MLLT6: variants seen among roughly 807,000 people sequenced by gnomAD.
MLLT6 encodes the protein MLLT6, PHD finger containing, also known as protein AF-17.
Under a neutral mutation model 103.0 loss-of-function variants are expected in MLLT6, and 22 were observed. The observed-to-expected ratio is 0.21, with a 90% CI of 0.15 to 0.31. The LOEUF is 0.31. Among genes scored for constraint, MLLT6 ranks in the 10% least tolerant of loss-of-function variants. The pLI is 1.00. For synonymous variants in MLLT6, 606 were observed against 623.5 expected (o/e 0.97, Z 0.42); for missense variants, 1,199 against 1,441.7 (o/e 0.83, Z 2.73).
chr17:38,723,332 T>C lies in MLLT6; in HGVS notation c.2883+564T>C, dbSNP rs138845152. 2.1e-3 allele frequency among the ~76,000 whole-genome samples: 314 copies of C among 152,174 alleles called. 1 individual carries two copies. Among genetic ancestry groups the C allele is most frequent in the African/African-American group, 7.1e-3 (295 of 41,528 alleles). ...CTGGGCAACTTGGTGAAACTGAGTCTCTACAAAAAATTAGCTGGGCGTGGT... is the reference window on the plus strand; with the variant it reads ...CTGGGCAACTTGGTGAAACTGAGTCCCTACAAAAAATTAGCTGGGCGTGGT... On this transcript the variant is annotated intron_variant, in intron 18 of 19. Coordinates refer to ENST00000621332, the MANE Select transcript of MLLT6 (RefSeq NM_005937.4).
chr17:38,717,763 C>A, intron 11 of MLLT6, 82 bp from the exon 12 acceptor site: 1 of 1,394,178 alleles, frequency 7.2e-7, no homozygotes, highest in Non-Finnish European at 1.0e-6. Context: ...CCCCAGCACA[C>A]CCGGCCCCCT....
At position 38,720,499 on chromosome 17, in the gene MLLT6, C is replaced by G; in HGVS notation, c.2283C>G (p.Phe761Leu). ...QILNVQLSVP[F>L]PALPAALPAA... ...TCAACGTGCAGCTCTCTGTGCCCTT[C>G]CCTGCCCTGCCTGCTGCCCTGCCTG... The change falls in exon 15 of 20, where the codon TTC (phenylalanine) becomes TTG (leucine). Residue 761 changes from phenylalanine to leucine, a missense_variant. This residue lies in a region of MLLT6 where 1,034 missense variants were observed against 1,091.5 expected (regional missense o/e 0.95). Coordinates refer to ENST00000621332, the MANE Select transcript of MLLT6 (RefSeq NM_005937.4). 1 of 1,612,748 alleles carries G rather than the reference C, an allele frequency of 6.2e-7. No homozygotes were observed. The highest frequency in any genetic ancestry group is 8.5e-7 in the Non-Finnish European group (1 of 1,179,810).
In MLLT6 at chr17:38,709,274, C is replaced by A; in HGVS notation, c.456C>A (p.Thr152=). Residue 152 remains threonine, a splice_region_variant and synonymous_variant, in exon 5 of 20, where the codon ACC becomes ACA. Transcript: ENST00000621332. The surrounding 1 kb of genome is among the most constrained non-coding windows in gnomAD (Gnocchi z 4.3). ...GATGTCGACAAGCTTTCCACGTCAC[C>A]TGGTGAGACCCCTGTCCCACCCCCC... ...RHGCRQAFHV[T]CAQMAGLLCE... 1 of 1,613,246 alleles carries A rather than the reference C, an allele frequency of 6.2e-7. No homozygotes were observed. Among genetic ancestry groups the A allele is most frequent in the Non-Finnish European group, 8.5e-7 (1 of 1,179,226 alleles).
chr17:38,721,861 TC>T lies in MLLT6; in HGVS notation c.2443-12del. On this transcript the variant is annotated splice_polypyrimidine_tract_variant and intron_variant, in intron 16 of 19. Coordinates refer to ENST00000621332, the MANE Select transcript of MLLT6 (RefSeq NM_005937.4). ...CATGCTGGCCCTCTGACCCCTCCCT[TC>T]CCCCTCCCTCCCCAGGACCCACACT... is the stretch of plus-strand genomic sequence containing the variant. 4.6e-6 allele frequency: 7 copies of T among 1,523,664 alleles called. No individual in the cohort carries two copies. Among genetic ancestry groups the T allele is most frequent in the Admixed American group, 3.8e-5 (2 of 52,544 alleles). The allele number at this position is 1,523,664 out of a possible 1,614,324, so 94.4% of individuals were successfully genotyped here. A position where few individuals can be genotyped will look rare whatever the true frequency, so the allele number is the denominator to read the frequency against.
Position 38,707,890 on chromosome 17 carries a change from G to T in MLLT6, c.354+18G>T. 2.0e-5 allele frequency: 30 copies of T among 1,496,490 alleles called. No individual in the cohort carries two copies. Among genetic ancestry groups the T allele is most frequent in the Non-Finnish European group, 2.8e-5 (30 of 1,078,522 alleles). The allele number at this position is 1,496,490 out of a possible 1,614,324, so 92.7% of individuals were successfully genotyped here. On this transcript the variant is annotated intron_variant, in intron 4 of 19. Coordinates refer to ENST00000621332, the MANE Select transcript of MLLT6 (RefSeq NM_005937.4). Reference sequence around the variant, plus strand: ...TCAACAAGGTCAGCGGCCCCCCGCCGTGTCCCCTACCAGTTCCCTCCCATC... The same window carrying T: ...TCAACAAGGTCAGCGGCCCCCCGCCTTGTCCCCTACCAGTTCCCTCCCATC...
rs1289347946 is a variant in MLLT6 at position 38,728,749 on chromosome 17, C to T, written c.*3151C>T. The T allele has an allele frequency of 3.0e-5, 7 of 234,690 alleles. No homozygotes were observed. Among genetic ancestry groups the T allele is most frequent in the Admixed American group, 5.6e-5 (1 of 17,800 alleles). 14.5% of individuals were successfully genotyped at this position (234,690 alleles called of 1,614,324 possible). The stretch of plus-strand genomic sequence containing the variant: ...CCCCTGCCCCACAACATGGTCTCCA[C>T]ATGGCTGGCTGGCTGGCTGTCCCTG... On this transcript the variant is annotated 3_prime_UTR_variant, in exon 20 of 20. Transcript: ENST00000621332.
At chr17:38,707,136 C>A in intron 2 of MLLT6, 107 bp downstream of exon 2, 1 of 909,668 alleles carries the variant, frequency 1.1e-6, no homozygotes, top group Non-Finnish European at 1.7e-6. Context: ...GGATTTAGCT[C>A]TGTCACACAG....
Position 38,729,244 on chromosome 17 carries a change from T to G in MLLT6, c.*3646T>G. The G allele has an allele frequency of 4.3e-6, 1 of 233,274 alleles. No individual in the cohort carries two copies. Among genetic ancestry groups the G allele is most frequent in the Admixed American group, 5.6e-5 (1 of 17,806 alleles). The allele number at this position is 233,274 out of a possible 1,614,324, so 14.5% of individuals were successfully genotyped here. A position where few individuals can be genotyped will look rare whatever the true frequency, so the allele number is the denominator to read the frequency against. On this transcript the variant is annotated 3_prime_UTR_variant, in exon 20 of 20. Transcript: ENST00000621332. ...GGGGTAGGCAGCTTGCACCCAGTTC[T>G]CCTTTATCTCAACTTATTTTCCTGG...
Position 38,728,557 on chromosome 17 carries a change from T to TGCC in MLLT6, c.*2960_*2962dup, listed in dbSNP as rs983917726. The stretch of plus-strand genomic sequence containing the variant: ...TGAGTGGGGGTGCATATAGAGGCAG[T>TGCC]GCCTGCTGTGGGGTCACAACTGGTG... On this transcript the variant is annotated 3_prime_UTR_variant, in exon 20 of 20. Transcript: ENST00000621332. 8.6e-5 allele frequency: 20 copies of TGCC among 233,420 alleles called. No individual in the cohort carries two copies. The highest frequency in any genetic ancestry group is 4.4e-4 in the African/African-American group (20 of 45,336). 14.5% of individuals were successfully genotyped at this position (233,420 alleles called of 1,614,324 possible). A position where few individuals can be genotyped will look rare whatever the true frequency, so the allele number is the denominator to read the frequency against.
Position 38,719,738 on chromosome 17 carries a change from C to A in MLLT6, c.2010-12C>A. 6.2e-7 allele frequency: 1 copy of A among 1,604,632 alleles called. No individual in the cohort carries two copies. Reference sequence around the variant, plus strand: ...GTCGGGTCGACTGAACCCAGGTTCCCTCTGGCCGCAGGTCCCCCATCAGCA... The same window carrying A: ...GTCGGGTCGACTGAACCCAGGTTCCATCTGGCCGCAGGTCCCCCATCAGCA... On this transcript the variant is annotated splice_polypyrimidine_tract_variant and intron_variant, in intron 13 of 19. Coordinates refer to ENST00000621332, the MANE Select transcript of MLLT6 (RefSeq NM_005937.4).
chr17:38,713,995 G>C (rs1040011546), intron 8 of MLLT6: 16 of 152,262 alleles, frequency 1.1e-4, no homozygotes, highest in African/African-American at 3.9e-4. Flanking sequence ...TGAATACCTG[G>C]TCGCTACTAG....
At chr17:38,708,251 T>A in intron 4 of MLLT6, 1 of 222,320 alleles carries the variant, frequency 4.5e-6, no homozygotes, top group Non-Finnish European at 8.8e-6. Context: ...AGTTCTTGCA[T>A]GCGAAGACTA....
rs1191463200 is a variant in MLLT6, at chr17:38,719,533, C to A, written c.1959C>A (p.Asp653Glu). Reference sequence around the variant, plus strand: ...TCTTCCAAGAGCCAGACCTGGAGGACTGCAGCTTCCGGTGTCGGGGGACCT... The same window carrying A: ...TCTTCCAAGAGCCAGACCTGGAGGAATGCAGCTTCCGGTGTCGGGGGACCT... ...ESSHTEPDLEDCSFRCRGTSP... is the reference protein window; with the variant it reads ...ESSHTEPDLEECSFRCRGTSP... Residue 653 changes from aspartate to glutamate, a missense_variant, in exon 13 of 20, where the codon GAC (aspartate) becomes GAA (glutamate). Physicochemically the swap from Asp to Glu is conservative, Grantham distance 45. Around this residue, in one of 7 missense-constraint regions of MLLT6, gnomAD observed 1,034 missense variants for 1,091.5 expected, o/e 0.95. Coordinates refer to ENST00000621332, the MANE Select transcript of MLLT6 (RefSeq NM_005937.4). The A allele has an allele frequency of 6.2e-7, 1 of 1,611,422 alleles. No homozygotes were observed. Among genetic ancestry groups the A allele is most frequent in the Non-Finnish European group, 8.5e-7 (1 of 1,179,110 alleles).
chr17:38,727,056 C>G lies in MLLT6; in HGVS notation c.*1458C>G, dbSNP rs1032932904. The G allele has an allele frequency of 1.7e-5, 4 of 233,424 alleles. No individual in the cohort carries two copies. Among genetic ancestry groups the G allele is most frequent in the Admixed American group, 5.6e-5 (1 of 17,768 alleles). The allele number at this position is 233,424 out of a possible 1,614,324, so 14.5% of individuals were successfully genotyped here. ...CCCAGGGTAGGGGTTTCCAGCTTCC[C>G]CAGGCTCCGGCCTTGTCAGTCTCTT... On this transcript the variant is annotated 3_prime_UTR_variant, in exon 20 of 20. Transcript: ENST00000621332.
In MLLT6 at chr17:38,716,411, C is replaced by T; in HGVS notation, c.1081C>T (p.Leu361=). ...CCCTGACTTCTCTGCATTCCCCAAG[C>T]TGGAGCAGCCAGAGGAGGACAAGTA... ...SSPDFSAFPK[L]EQPEEDKYSK... Residue 361 remains leucine, a synonymous_variant, in exon 10 of 20, where the codon CTG becomes TTG. Coordinates refer to ENST00000621332, the MANE Select transcript of MLLT6 (RefSeq NM_005937.4). The surrounding 1 kb of genome is among the most constrained non-coding windows in gnomAD (Gnocchi z 5.6). The T allele has an allele frequency of 1.2e-6, 2 of 1,613,782 alleles. No individual in the cohort carries two copies. The highest frequency in any genetic ancestry group is 2.2e-5 in the East Asian group (1 of 44,888).
intron 12 of MLLT6, chr17:38,719,229 T>C: frequency 4.1e-6 from 2 of 483,412 alleles, no homozygotes; most frequent in Non-Finnish European, 7.3e-6. Flanking sequence ...CAAATTTCTA[T>C]AACTCTGAAG....
Position 38,717,580 on chromosome 17 carries a change from C to G in MLLT6, c.1800C>G (p.Leu600=). The change falls in exon 11 of 20, where the codon CTC becomes CTG. Residue 600 remains leucine (L), a synonymous_variant. Coordinates refer to ENST00000621332, the MANE Select transcript of MLLT6 (RefSeq NM_005937.4). ...RLSRSPFTST[L]PSSSASISTT... ...GCCGCTCCCCGTTCACCAGCACCCT[C>G]CCCTCCTCTTCTGCTTCTATCTCCA... 1 of 1,613,922 alleles carries G rather than the reference C, an allele frequency of 6.2e-7. No homozygotes were observed. Among genetic ancestry groups the G allele is most frequent in the Non-Finnish European group, 8.5e-7 (1 of 1,179,906 alleles).
chr17:38,725,939 C>T lies in MLLT6; in HGVS notation c.*341C>T, dbSNP rs530661425. The T allele has an allele frequency of 2.0e-5, 7 of 355,784 alleles. No homozygotes were observed. Among genetic ancestry groups the T allele is most frequent in the African/African-American group, 1.5e-4 (7 of 47,760 alleles). The allele number at this position is 355,784 out of a possible 1,614,324, so 22.0% of individuals were successfully genotyped here. ...GGCAGAAGTAGGGGGTTGGTTGGAC[C>T]TGTCACATGAAATGGATCAGCACTT... is the stretch of plus-strand genomic sequence containing the variant. On this transcript the variant is annotated 3_prime_UTR_variant, in exon 20 of 20. Coordinates refer to ENST00000621332, the MANE Select transcript of MLLT6 (RefSeq NM_005937.4).
chr17:38,712,163 A>C, intron 7 of MLLT6, 149 bp downstream of exon 7: 5 of 1,357,580 alleles, frequency 3.7e-6, no homozygotes, highest in Non-Finnish European at 4.8e-6. Context: ...AGGGGGCTGA[A>C]ATGAAACGGT....
Sources: allele counts gnomAD v4.1 joint callset (sites outside exome capture counted in the v4.1 genomes callset), GRCh38; gene constraint gnomAD v4.1.1; regional missense constraint gnomAD v4.1.1; non-coding constraint Gnocchi (gnomAD v3.1); transcripts MANE v1.5; gene names NCBI Gene and HGNC (gene_info 2026-07-23, HGNC 2026-07-21).